Variants in SMPD3 observed in about 807,000 individuals in gnomAD.
The protein encoded by SMPD3 is sphingomyelin phosphodiesterase 3.
A neutral mutation model predicts 55.7 loss-of-function variants in SMPD3; 21 were observed. The observed-to-expected ratio is 0.38, with a 90% CI of 0.27 to 0.54. The LOEUF (loss-of-function observed/expected upper bound fraction) is 0.54. Ranked by LOEUF, SMPD3 falls within the 20% of genes least tolerant of loss-of-function variation. The pLI, the probability that SMPD3 is intolerant of heterozygous loss-of-function variation, is 0.80. For synonymous variants in SMPD3, 457 were observed against 404.3 expected (o/e 1.13, Z -1.56); for missense variants, 842 against 899.6 (o/e 0.94, Z 0.82).
At chr16:68,384,868 C>A (rs1762931979) in intron 2 of SMPD3, among the ~76,000 whole-genome samples, 1 of 152,158 alleles carries the variant, frequency 6.6e-6, no homozygotes, top group South Asian at 2.1e-4. Flanking sequence ...CCCTGCTGAC[C>A]TGGAGCTGCA....
chr16:68,392,150 C>T (rs2090116900), intron 1 of SMPD3, among the ~76,000 whole-genome samples: 3 of 152,320 alleles, frequency 2.0e-5, no homozygotes, highest in Non-Finnish European at 4.4e-5. Flanking sequence ...CCTTGGCCTT[C>T]CAGAGTGCTG....
chr16:68,446,581 A>T (rs963438507), intron 1 of SMPD3, among the ~76,000 whole-genome samples: 2 of 152,122 alleles, frequency 1.3e-5, no homozygotes, highest in African/African-American at 2.4e-5. Context: ...ACATGGGTAC[A>T]TTCATCTAGT....
In SMPD3 at chr16:68,447,505, G is replaced by A. The variant is rs1323537830; in HGVS notation, c.-269+848C>T. Among the ~76,000 whole-genome samples, 1 of 152,066 alleles carries A rather than the reference G, an allele frequency of 6.6e-6. No homozygotes were observed. Among genetic ancestry groups the A allele is most frequent in the Non-Finnish European group, 1.5e-5 (1 of 67,976 alleles). ...GGCCTGGGAGATAAGGCCCAGGTGG[G>A]GAGAGGTGGGGAGGGGTCCCTCCTG... On this transcript the variant is annotated intron_variant, in intron 1 of 8. Transcript: ENST00000219334. This position sits in a 1 kb window ranked among gnomAD's most constrained non-coding sequence, Gnocchi z 5.1.
At chr16:68,433,375 G>A (rs948239838) in intron 1 of SMPD3, among the ~76,000 whole-genome samples, 2 of 152,222 alleles carry the variant, frequency 1.3e-5, no homozygotes, top group African/African-American at 4.8e-5. Flanking sequence ...ACCTGCATCT[G>A]TCATTCCTTC....
At chr16:68,439,105 A>G (rs2090547296) in intron 1 of SMPD3, among the ~76,000 whole-genome samples, 1 of 152,208 alleles carries the variant, frequency 6.6e-6, no homozygotes, top group African/African-American at 2.4e-5. Context: ...TGTAATTGCC[A>G]TGGCGGGAAA....
rs60841057 is a variant in SMPD3 at position 68,392,835 on chromosome 16, G to GAA, written c.-268-6178_-268-6177dup. 8.2e-3 allele frequency among the ~76,000 whole-genome samples: 727 copies of GAA among 88,256 alleles called. 31 individuals carry two copies. Among genetic ancestry groups the GAA allele is most frequent in the African/African-American group, 0.034 (668 of 19,656 alleles). The allele number at this position is 88,256 out of a possible 152,430, so 57.9% of individuals were successfully genotyped here. ...CGTGACAGAATGAGACGCTGTCTGG[G>GAA]AAAAAAAAAAAAAAAAAAAAGATGC... On this transcript the variant is annotated intron_variant, in intron 1 of 8. Coordinates refer to ENST00000219334, the MANE Select transcript of SMPD3 (RefSeq NM_018667.4).
chr16:68,375,655 C>A (rs953652015), intron 2 of SMPD3, among the ~76,000 whole-genome samples: 6 of 152,212 alleles, frequency 3.9e-5, no homozygotes, highest in Non-Finnish European at 5.9e-5. Context: ...CCTGGGCCCC[C>A]CTTTCTCCTG....
intron 3 of SMPD3, chr16:68,368,842 G>A (rs895531756): frequency 5.3e-5 from 8 of 152,246 alleles, no homozygotes; most frequent in South Asian, 2.1e-4. Context: ...CACTGCAGCC[G>A]CGTGGGGTAC....
chr16:68,372,900 G>C (rs1352633439), intron 2 of SMPD3, among the ~76,000 whole-genome samples: 1 of 152,220 alleles, frequency 6.6e-6, no homozygotes, highest in Admixed American at 6.5e-5. Flanking sequence ...GAGCAAAGGG[G>C]CCAGAGACTC....
At position 68,363,532 on chromosome 16, in the gene SMPD3, T is replaced by A; in HGVS notation, c.1673A>T (p.Tyr558Phe). ...GTCGGGGGTGCACACATCCTCATCG[T>A]ACAGGCCGTTCGTGTCCAGCAGAGT... ...IGTLLDTNGL[Y>F]DEDVCTPDNL... Residue 558 changes from tyrosine (Y) to phenylalanine (F), a missense_variant, in exon 7 of 9, where the codon TAC (tyrosine) becomes TTC (phenylalanine). Tyr to Phe is a conservative substitution (Grantham distance 22). This residue lies in a region of SMPD3 where 649 missense variants were observed against 643.6 expected (regional missense o/e 1.01). Coordinates refer to ENST00000219334, the MANE Select transcript of SMPD3 (RefSeq NM_018667.4). 6.2e-7 allele frequency: 1 copy of A among 1,613,960 alleles called. No individual in the cohort carries two copies. Among genetic ancestry groups the A allele is most frequent in the Non-Finnish European group, 8.5e-7 (1 of 1,179,996 alleles).
chr16:68,413,640 G>A (rs1457825505), intron 1 of SMPD3, among the ~76,000 whole-genome samples: 1 of 152,120 alleles, frequency 6.6e-6, no homozygotes, highest in Non-Finnish European at 1.5e-5. Flanking sequence ...TCATGAAAAC[G>A]TGGCAGTGCA....
chr16:68,415,880 C>G (rs2090335172), intron 1 of SMPD3, among the ~76,000 whole-genome samples: 1 of 150,090 alleles, frequency 6.7e-6, no homozygotes. Flanking sequence ...TTCTGCCTCA[C>G]AAAGTAAAAG....
At chr16:68,422,260 C>T (rs1213354546) in intron 1 of SMPD3, among the ~76,000 whole-genome samples, 1 of 152,166 alleles carries the variant, frequency 6.6e-6, no homozygotes, top group African/African-American at 2.4e-5. Flanking sequence ...CAGCAGAAAT[C>T]CTCAGAAGGA....
intron 1 of SMPD3, among the ~76,000 whole-genome samples, chr16:68,392,683 A>C (rs1470275936): frequency 6.6e-6 from 1 of 152,074 alleles, no homozygotes; most frequent in Admixed American, 6.6e-5. Flanking sequence ...CCAACACGCG[A>C]AACTCTGTTT....
At chr16:68,407,961 C>T (rs1176836855) in intron 1 of SMPD3, among the ~76,000 whole-genome samples, 3 of 152,046 alleles carry the variant, frequency 2.0e-5, no homozygotes, top group Non-Finnish European at 2.9e-5. Context: ...ATTGGTGAAG[C>T]TTATAACAAA....
chr16:68,385,110 A>G (rs2090029054), intron 2 of SMPD3, among the ~76,000 whole-genome samples: 1 of 152,170 alleles, frequency 6.6e-6, no homozygotes, highest in Non-Finnish European at 1.5e-5. Context: ...TGCTTTTCAC[A>G]CTGGGGGTGC....
rs117993033 is a variant in SMPD3, at chr16:68,364,787, C to T, written c.1519G>A (p.Val507Ile). 8,950 of 1,613,868 alleles carry T rather than the reference C, an allele frequency of 5.5e-3. 39 individuals carry two copies. The highest frequency in any genetic ancestry group is 7.0e-3 in the Non-Finnish European group (8,266 of 1,180,010). Residue 507 changes from valine (V) to isoleucine (I), a missense_variant, in exon 5 of 9, where the codon GTC (valine) becomes ATC (isoleucine). Transcript: ENST00000219334. ...NPEELVAFDV[V>I]CGDFNFDNCS... ...TTATCAAAGTTGAAATCTCCACAGACGACGTCAAATGCCACCAGCTCCTCG... is the reference window on the plus strand; with the variant it reads ...TTATCAAAGTTGAAATCTCCACAGATGACGTCAAATGCCACCAGCTCCTCG...
intron 1 of SMPD3, among the ~76,000 whole-genome samples, chr16:68,410,987 G>A (rs1030111929): frequency 2.6e-5 from 4 of 152,244 alleles, no homozygotes; most frequent in African/African-American, 7.2e-5. Context: ...GGGAATGGGC[G>A]GGCATCATCA....
At chr16:68,405,134 A>G (rs1379425241) in intron 1 of SMPD3, among the ~76,000 whole-genome samples, 2 of 152,180 alleles carry the variant, frequency 1.3e-5, no homozygotes, top group Non-Finnish European at 2.9e-5. Flanking sequence ...CCCCCAAGGC[A>G]GGTGTTTTGA....
Sources: allele counts gnomAD v4.1 joint callset (sites outside exome capture counted in the v4.1 genomes callset), GRCh38; gene constraint gnomAD v4.1.1; regional missense constraint gnomAD v4.1.1; non-coding constraint Gnocchi (gnomAD v3.1); transcripts MANE v1.5; gene names NCBI Gene and HGNC (gene_info 2026-07-23, HGNC 2026-07-21).